CPAMD8: variants seen among roughly 807,000 people sequenced by gnomAD.
CPAMD8 encodes C3 and PZP like alpha-2-macroglobulin domain containing 8.
CPAMD8 carries 146 observed loss-of-function variants against 224.7 expected under a neutral mutation model. The ratio of observed to expected loss-of-function variants is 0.65; its 90% CI spans 0.57 to 0.75. The LOEUF is 0.75. Ranked by LOEUF, CPAMD8 falls within the 30% of genes least tolerant of loss-of-function variation. CPAMD8 has a pLI of 0.00. For missense variants in CPAMD8, 2,301 were observed against 2,537.5 expected (o/e 0.91, Z 2.00); for synonymous variants, 966 against 1,044.6 (o/e 0.92, Z 1.45).
intron 18 of CPAMD8, among the ~76,000 whole-genome samples, chr19:16,960,026 C>T (rs867294977): frequency 2.3e-4 from 35 of 152,132 alleles, no homozygotes; most frequent in Admixed American, 2.0e-3. Context: ...AGGGGCCACC[C>T]TATATCCCTC....
At chr19:16,978,563 G>T (rs1188747764) in intron 14 of CPAMD8, among the ~76,000 whole-genome samples, 1 of 152,194 alleles carries the variant, frequency 6.6e-6, no homozygotes, top group African/African-American at 2.4e-5. Context: ...CCCAGGGGAT[G>T]CTGGCAATAT....
At chr19:16,925,874 C>T (rs1480816880) in intron 25 of CPAMD8, among the ~76,000 whole-genome samples, 1 of 152,118 alleles carries the variant, frequency 6.6e-6, no homozygotes, top group Non-Finnish European at 1.5e-5. Context: ...CTGCCTCAGC[C>T]TCCTGAGTAG....
At chr19:16,947,739 G>T (rs1244871578) in intron 20 of CPAMD8, among the ~76,000 whole-genome samples, 2 of 152,080 alleles carry the variant, frequency 1.3e-5, no homozygotes, top group Non-Finnish European at 2.9e-5. Context: ...ACACTTGTGT[G>T]CATGGATGCA....
At chr19:16,946,857 C>G (rs982287017) in intron 21 of CPAMD8, among the ~76,000 whole-genome samples, 7 of 152,124 alleles carry the variant, frequency 4.6e-5, no homozygotes, top group Admixed American at 1.3e-4. Context: ...CTTAAGAGCC[C>G]AGCTCCCCCA....
intron 29 of CPAMD8, 98 bp from the exon 30 acceptor site, chr19:16,907,215 T>C: frequency 2.2e-6 from 3 of 1,373,340 alleles, no homozygotes; most frequent in Non-Finnish European, 2.8e-6. Context: ...GAGCTCTGGG[T>C]GACTCCTAGC....
At chr19:17,004,507 G>A (rs2056429422) in intron 7 of CPAMD8, 121 bp from the exon 8 acceptor site, 1 of 640,746 alleles carries the variant, frequency 1.6e-6, no homozygotes, top group Non-Finnish European at 2.8e-6. Context: ...GAGAACTGGA[G>A]ACCACAGAGA....
At chr19:16,985,442 G>A (rs554197771) in intron 13 of CPAMD8, among the ~76,000 whole-genome samples, 1 of 149,990 alleles carries the variant, frequency 6.7e-6, no homozygotes, top group East Asian at 2.0e-4. Context: ...GAAGGAGGGA[G>A]AGAGGGTAGA....
intron 18 of CPAMD8, among the ~76,000 whole-genome samples, chr19:16,967,131 C>G (rs946758528): frequency 2.6e-5 from 4 of 152,060 alleles, no homozygotes; most frequent in African/African-American, 9.7e-5. Context: ...AAATGTGGCA[C>G]ATATACACCA....
At chr19:16,894,482 C>T (rs766444053) in intron 41 of CPAMD8, 5 of 456,402 alleles carry the variant, frequency 1.1e-5, no homozygotes, top group Admixed American at 9.4e-5. Flanking sequence ...GCCAGGACTT[C>T]GGGATGGGAC....
At chr19:16,949,382 C>A (rs1162449588) in intron 20 of CPAMD8, among the ~76,000 whole-genome samples, 2 of 152,142 alleles carry the variant, frequency 1.3e-5, no homozygotes, top group Non-Finnish European at 2.9e-5. Context: ...AGGGCATAGT[C>A]TGTGTGTATG....
At chr19:16,947,859 C>A (rs1026037555) in intron 20 of CPAMD8, among the ~76,000 whole-genome samples, 4 of 152,156 alleles carry the variant, frequency 2.6e-5, no homozygotes, top group African/African-American at 9.7e-5. Flanking sequence ...ATGCTAGTTT[C>A]TGCATGCATG....
intron 20 of CPAMD8, among the ~76,000 whole-genome samples, chr19:16,948,898 G>GAGGGA (rs1568515675): frequency 1.2e-5 from 1 of 80,116 alleles, no homozygotes; most frequent in South Asian, 6.6e-4. Context: ...GAAGGGAAGG[G>GAGGGA]AAGGGAAGGG....
At chr19:16,904,176 A>AGGGGCCCCCCCCCCCCCCCCCCCCCCCCC in intron 32 of CPAMD8, 50 bp downstream of exon 32, 1 of 937,336 alleles carries the variant, frequency 1.1e-6, no homozygotes, top group Non-Finnish European at 1.7e-6. Flanking sequence ...GACTGCAGGG[A>AGGGGCCCCCCCCCCCCCCCCCCCCCCCCC]CCCCACCCAC....
At chr19:16,931,970 A>G (rs1241261447) in intron 23 of CPAMD8, among the ~76,000 whole-genome samples, 2 of 152,234 alleles carry the variant, frequency 1.3e-5, no homozygotes, top group African/African-American at 4.8e-5. Context: ...AAAAGATTGG[A>G]AGAAGCGACT....
Position 16,998,839 on chromosome 19 carries a change from G to GAGAAACAAAAATGTAGGTCCACAGAAA in CPAMD8, c.868-1528_868-1502dup, listed in dbSNP as rs1200904666. Among the ~76,000 whole-genome samples the GAGAAACAAAAATGTAGGTCCACAGAAA allele has an allele frequency of 2.6e-5, 4 of 152,270 alleles. No homozygotes were observed. The East Asian group carries it at 7.7e-4, about 29-fold the overall frequency. The stretch of plus-strand genomic sequence containing the variant: ...ATTCCGCTCCTAGGAAAGAACCCAA[G>GAGAAACAAAAATGTAGGTCCACAGAAA]AGAAACAAAAATGTAGGTCCACAGA... On this transcript the variant is annotated intron_variant, in intron 10 of 41. Coordinates refer to ENST00000443236, the MANE Select transcript of CPAMD8 (RefSeq NM_015692.5).
chr19:16,893,731 G>A (rs934444792), intron 41 of CPAMD8: 3 of 188,150 alleles, frequency 1.6e-5, no homozygotes, highest in East Asian at 1.3e-4. Flanking sequence ...AGGAACTCAC[G>A]GTGAGGAAGC....
In CPAMD8 at chr19:16,898,506, G is replaced by A. The variant is rs2052122772; in HGVS notation, c.4849-512C>T. Among the ~76,000 whole-genome samples, 1 of 152,068 alleles carries A rather than the reference G, an allele frequency of 6.6e-6. No individual in the cohort carries two copies. The highest frequency in any genetic ancestry group is 1.5e-5 in the Non-Finnish European group (1 of 68,020). Reference sequence around the variant, plus strand: ...TGCACGCATGGCTGAGCATGTGTGGGTGGGAGTCAGCACATTCACGATACT... The same window carrying A: ...TGCACGCATGGCTGAGCATGTGTGGATGGGAGTCAGCACATTCACGATACT... On this transcript the variant is annotated intron_variant, in intron 37 of 41. Transcript: ENST00000443236. This position sits in a 1 kb window ranked among gnomAD's most constrained non-coding sequence, Gnocchi z 4.2.
At chr19:16,931,919 T>C (rs1168715490) in intron 23 of CPAMD8, among the ~76,000 whole-genome samples, 1 of 152,164 alleles carries the variant, frequency 6.6e-6, no homozygotes, top group Non-Finnish European at 1.5e-5. Context: ...ACACCACAGA[T>C]AGATCTTCAG....
chr19:16,989,920 A>G, intron 12 of CPAMD8, 149 bp from the exon 13 acceptor site: 1 of 751,180 alleles, frequency 1.3e-6, no homozygotes, highest in Non-Finnish European at 2.3e-6. Flanking sequence ...CTCAGGGAGT[A>G]ATAGCCAGTT....
Sources: gnomAD v4.1 joint callset for allele counts (sites outside exome capture counted in the v4.1 genomes callset) on GRCh38, gnomAD v4.1.1 for gene constraint, Gnocchi (gnomAD v3.1) non-coding constraint, MANE v1.5 for transcripts, NCBI Gene and HGNC (gene_info 2026-07-23, HGNC 2026-07-21) for gene names.